GALNT13: variants seen among roughly 807,000 people sequenced by gnomAD.
GALNT13 encodes UDP-GalNAc:polypeptide N-acetylgalactosaminyltransferase 13.
A neutral mutation model predicts 64.2 loss-of-function variants in GALNT13; 28 were observed. The observed-to-expected ratio is 0.44, with a 90% CI of 0.32 to 0.60. The LOEUF (loss-of-function observed/expected upper bound fraction) is 0.60. Ranked by LOEUF, GALNT13 falls within the 20% of genes least tolerant of loss-of-function variation. GALNT13 has a pLI of 0.05. For missense variants in GALNT13, 577 were observed against 669.8 expected (o/e 0.86, Z 1.53); for synonymous variants, 214 against 224.6 (o/e 0.95, Z 0.42).
At chr2:154,166,946 G>A (rs946369823) in intron 4 of GALNT13, among the ~76,000 whole-genome samples, 3 of 151,626 alleles carry the variant, frequency 2.0e-5, no homozygotes, top group South Asian at 4.2e-4. Context: ...ATGGACACAG[G>A]AAGGGGAACA....
intron 4 of GALNT13, among the ~76,000 whole-genome samples, chr2:154,232,419 C>T (rs754758138): frequency 5.9e-5 from 9 of 152,042 alleles, no homozygotes; most frequent in Admixed American, 6.6e-5. Context: ...CCTTGATGGA[C>T]GTTACTGCTT....
the GALNT13 span, among the ~76,000 whole-genome samples, chr2:153,325,413 G>A: frequency 1.3e-5 from 2 of 150,770 alleles, no homozygotes; most frequent in Admixed American, 6.7e-5. Flanking sequence ...TTGACTAGCA[G>A]TCTGTCTATT....
At chr2:153,721,507 C>T in the GALNT13 span, among the ~76,000 whole-genome samples, 1 of 150,714 alleles carries the variant, frequency 6.6e-6, no homozygotes, top group South Asian at 2.1e-4. Context: ...ATAAAAGACA[C>T]AGACTGGCAA....
the GALNT13 span, among the ~76,000 whole-genome samples, chr2:153,102,643 A>G: frequency 1.3e-5 from 2 of 152,170 alleles, no homozygotes; most frequent in Non-Finnish European, 2.9e-5. Context: ...TGAGGTAGCA[A>G]ATAATACTCT....
intron 4 of GALNT13, among the ~76,000 whole-genome samples, chr2:154,156,583 A>G (rs1241904974): frequency 6.6e-6 from 1 of 152,160 alleles, no homozygotes; most frequent in Non-Finnish European, 1.5e-5. Context: ...GCTTTAATGT[A>G]TTTGTTTATA....
chr2:153,339,214 TG>T, the GALNT13 span, among the ~76,000 whole-genome samples: 1 of 152,240 alleles, frequency 6.6e-6, no homozygotes. Context: ...CCACAATGGC[TG>T]TGCTAATTTA....
At chr2:153,253,803 A>G in the GALNT13 span, among the ~76,000 whole-genome samples, 2 of 151,856 alleles carry the variant, frequency 1.3e-5, no homozygotes, top group South Asian at 4.2e-4. Context: ...TCAGCCCTGC[A>G]TCCCAGGGAT....
chr2:153,308,102 C>T, the GALNT13 span, among the ~76,000 whole-genome samples: 1 of 152,010 alleles, frequency 6.6e-6, no homozygotes, highest in East Asian at 1.9e-4. Flanking sequence ...CTGATGAAAA[C>T]CTGGGGGCTA....
the GALNT13 span, among the ~76,000 whole-genome samples, chr2:153,091,332 T>C: frequency 6.6e-6 from 1 of 152,108 alleles, no homozygotes; most frequent in Admixed American, 6.6e-5. Context: ...TTTATATTTA[T>C]CATGACTCCT....
the GALNT13 span, among the ~76,000 whole-genome samples, chr2:153,488,735 A>T: frequency 6.6e-6 from 1 of 152,208 alleles, no homozygotes; most frequent in Non-Finnish European, 1.5e-5. Flanking sequence ...AGAAAAAAAT[A>T]ATGGAGCCTG....
At chr2:153,696,946 C>G in the GALNT13 span, among the ~76,000 whole-genome samples, 1 of 152,188 alleles carries the variant, frequency 6.6e-6, no homozygotes, top group Non-Finnish European at 1.5e-5. Context: ...AGAAAATACA[C>G]TCTCAAAAGA....
Position 154,177,312 on chromosome 2 carries a change from T to TA in GALNT13, c.311+36808dup, listed in dbSNP as rs1186733778. Among the ~76,000 whole-genome samples the TA allele has an allele frequency of 2.2e-4, 32 of 147,060 alleles. 1 individual carries two copies. The highest frequency in any genetic ancestry group is 2.1e-3 in the Admixed American group (32 of 15,000). ...AAAGAAGACAGGCTTAGAAAGGTTATATATAGTTGAAACTCTATGGTTTCA... is the reference window on the plus strand; with the variant it reads ...AAAGAAGACAGGCTTAGAAAGGTTATAATATAGTTGAAACTCTATGGTTTCA... On this transcript the variant is annotated intron_variant, in intron 4 of 12. Coordinates refer to ENST00000392825, the MANE Select transcript of GALNT13 (RefSeq NM_052917.4).
the GALNT13 span, among the ~76,000 whole-genome samples, chr2:153,640,376 T>C: frequency 6.6e-6 from 1 of 152,126 alleles, no homozygotes; most frequent in African/African-American, 2.4e-5. Flanking sequence ...TTGAGAAAGA[T>C]TTCATTGTGG....
At chr2:154,141,534 G>T (rs775424443) in intron 4 of GALNT13, among the ~76,000 whole-genome samples, 1 of 151,944 alleles carries the variant, frequency 6.6e-6, no homozygotes, top group Non-Finnish European at 1.5e-5. Context: ...TCTATTCGGG[G>T]TCAGGATCAT....
At chr2:153,498,038 C>G in the GALNT13 span, among the ~76,000 whole-genome samples, 25 of 152,266 alleles carry the variant, frequency 1.6e-4, no homozygotes, top group East Asian at 3.7e-3. Flanking sequence ...CTGCCGCTGT[C>G]GGGAAATGTG....
rs369267777 is a variant in GALNT13 at position 154,394,077 on chromosome 2, CAAAAAAAAAAAA to C, written c.1157-1898_1157-1887del. ...TGGGCGACAGAGCGAGACTCCGTCT[CAAAAAAAAAAAA>C]AAAAAAAAAAAAAAAGGTATGCAAA... On this transcript the variant is annotated intron_variant, in intron 9 of 12. Transcript: ENST00000392825. 9.4e-5 allele frequency among the ~76,000 whole-genome samples: 3 copies of C among 32,004 alleles called. 1 individual carries two copies. Among genetic ancestry groups the C allele is most frequent in the South Asian group, 4.7e-3 (2 of 426 alleles). 21.0% of individuals were successfully genotyped at this position (32,004 alleles called of 152,430 possible). A position where few individuals can be genotyped will look rare whatever the true frequency, so the allele number is the denominator to read the frequency against.
intron 4 of GALNT13, among the ~76,000 whole-genome samples, chr2:154,217,319 T>C (rs974827722): frequency 6.6e-6 from 1 of 152,126 alleles, no homozygotes; most frequent in Non-Finnish European, 1.5e-5. Flanking sequence ...TTGAAACATA[T>C]GAATGAGCAA....
the GALNT13 span, among the ~76,000 whole-genome samples, chr2:153,321,705 C>T: frequency 6.6e-6 from 1 of 152,124 alleles, no homozygotes; most frequent in Non-Finnish European, 1.5e-5. Flanking sequence ...GTTTACACAA[C>T]AAACTGTAAC....
chr2:153,654,364 A>G, the GALNT13 span, among the ~76,000 whole-genome samples: 1 of 152,112 alleles, frequency 6.6e-6, no homozygotes, highest in Non-Finnish European at 1.5e-5. Flanking sequence ...ATCATGGCAA[A>G]AGTATTGATG....
Sources: gnomAD v4.1 joint callset for allele counts (sites outside exome capture counted in the v4.1 genomes callset) on GRCh38, gnomAD v4.1.1 for gene constraint, MANE v1.5 for transcripts, NCBI Gene and HGNC (gene_info 2026-07-23, HGNC 2026-07-21) for gene names.